Variants in CSMD3 observed in about 807,000 individuals in gnomAD.
The protein encoded by CSMD3 is CUB and sushi domain-containing protein 3.
A neutral mutation model predicts 435.2 loss-of-function variants in CSMD3; 177 were observed. The ratio of observed to expected loss-of-function variants is 0.41; its 90% CI spans 0.36 to 0.46. CSMD3 has a LOEUF of 0.46. Ranked by LOEUF, CSMD3 falls within the 20% of genes least tolerant of loss-of-function variation. The probability of loss-of-function intolerance (pLI) is 0.34; values close to 1 mark genes in which losing one functional copy is unlikely to be tolerated. For missense variants in CSMD3, 4,265 were observed against 4,504.6 expected (o/e 0.95, Z 1.52); for synonymous variants, 1,656 against 1,520.5 (o/e 1.09, Z -2.07).
intron 22 of CSMD3, among the ~76,000 whole-genome samples, chr8:112,606,112 C>T (rs1832770750): frequency 6.6e-6 from 1 of 152,102 alleles, no homozygotes; most frequent in Non-Finnish European, 1.5e-5. Flanking sequence ...GAAGAAGTTC[C>T]AGCAGACTGT....
At chr8:113,146,136 A>G (rs2091667543) in intron 4 of CSMD3, among the ~76,000 whole-genome samples, 1 of 151,532 alleles carries the variant, frequency 6.6e-6, no homozygotes, top group African/African-American at 2.4e-5. Context: ...ATATATTAAC[A>G]TAACTCAAAA....
chr8:112,867,451 C>T (rs769757769), intron 10 of CSMD3, among the ~76,000 whole-genome samples: 11 of 152,062 alleles, frequency 7.2e-5, no homozygotes, highest in Non-Finnish European at 1.2e-4. Context: ...TTCTGAGAAA[C>T]GTGTTGTGAG....
chr8:112,345,844 TA>T (rs1282216770), intron 41 of CSMD3, among the ~76,000 whole-genome samples: 1 of 149,830 alleles, frequency 6.7e-6, no homozygotes, highest in African/African-American at 2.5e-5. Context: ...ATTTGTCAAT[TA>T]AAAAATAATA....
chr8:113,392,567 G>A (rs2094465490), intron 1 of CSMD3, among the ~76,000 whole-genome samples: 1 of 152,090 alleles, frequency 6.6e-6, no homozygotes, highest in African/African-American at 2.4e-5. Flanking sequence ...CAAGGTCAAA[G>A]CTAGGAGAGA....
chr8:113,409,009 G>C (rs563839877), intron 1 of CSMD3, among the ~76,000 whole-genome samples: 1 of 151,168 alleles, frequency 6.6e-6, no homozygotes, highest in Non-Finnish European at 1.5e-5. Flanking sequence ...AGAGTTTCTC[G>C]GCCCATAGCC....
At chr8:113,225,768 A>G (rs2093020543) in intron 3 of CSMD3, among the ~76,000 whole-genome samples, 1 of 151,458 alleles carries the variant, frequency 6.6e-6, no homozygotes, top group Non-Finnish European at 1.5e-5. Context: ...TGTACCTGCG[A>G]GTCTCCAGAG....
intron 65 of CSMD3, among the ~76,000 whole-genome samples, chr8:112,242,806 A>C (rs1278296391): frequency 1.3e-5 from 2 of 152,150 alleles, no homozygotes; most frequent in African/African-American, 4.8e-5. Flanking sequence ...TGTGAAGCTA[A>C]AATAAGATAA....
At chr8:112,443,001 G>A (rs79828942) in intron 32 of CSMD3, among the ~76,000 whole-genome samples, 3,355 of 152,254 alleles carry the variant, frequency 0.022, 54 homozygotes, top group Non-Finnish European at 0.035. Context: ...TCTCTAGGGT[G>A]TACTTTCTTA....
chr8:112,661,998 T>C (rs984910478), intron 17 of CSMD3, among the ~76,000 whole-genome samples: 5 of 151,994 alleles, frequency 3.3e-5, no homozygotes, highest in Non-Finnish European at 5.9e-5. Flanking sequence ...CTGAAGATTC[T>C]AGATGCAGAA....
intron 6 of CSMD3, among the ~76,000 whole-genome samples, chr8:112,984,737 A>G (rs2130983952): frequency 6.6e-6 from 1 of 152,232 alleles, no homozygotes; most frequent in South Asian, 2.1e-4. Flanking sequence ...GGCTTTACAT[A>G]TTTGTACCTA....
intron 40 of CSMD3, among the ~76,000 whole-genome samples, chr8:112,348,319 ACTT>A (rs1168818663): frequency 2.0e-5 from 3 of 152,164 alleles, no homozygotes; most frequent in Admixed American, 1.3e-4. Context: ...AATAAAATCA[ACTT>A]CTGTTTTTTC....
chr8:112,561,405 T>C (rs1246759623), intron 24 of CSMD3, among the ~76,000 whole-genome samples: 1 of 151,626 alleles, frequency 6.6e-6, no homozygotes, highest in African/African-American at 2.4e-5. Context: ...TTCATTCCTT[T>C]CCTGCCACCG....
intron 64 of CSMD3, among the ~76,000 whole-genome samples, chr8:112,246,608 T>C (rs551495814): frequency 1.3e-5 from 2 of 152,328 alleles, no homozygotes; most frequent in East Asian, 1.9e-4. Flanking sequence ...TTTCCTTTCA[T>C]AGATGTTGTT....
chr8:113,326,272 T>C (rs2093983256), intron 1 of CSMD3, among the ~76,000 whole-genome samples: 1 of 152,176 alleles, frequency 6.6e-6, no homozygotes, highest in Admixed American at 6.5e-5. Flanking sequence ...GTTCAGTTGA[T>C]TACAAATCTT....
At chr8:113,089,408 C>T (rs1221371571) in intron 5 of CSMD3, among the ~76,000 whole-genome samples, 1 of 151,888 alleles carries the variant, frequency 6.6e-6, no homozygotes, top group African/African-American at 2.4e-5. Flanking sequence ...AATTTAAATA[C>T]AAGTCATAGT....
intron 22 of CSMD3, among the ~76,000 whole-genome samples, chr8:112,607,564 G>A (rs1387665022): frequency 6.6e-6 from 1 of 152,030 alleles, no homozygotes; most frequent in African/African-American, 2.4e-5. Flanking sequence ...GATGAACATA[G>A]ATTCAAAAAT....
chr8:113,107,620 GA>G (rs2090519145), intron 4 of CSMD3, among the ~76,000 whole-genome samples: 1 of 152,174 alleles, frequency 6.6e-6, no homozygotes, highest in Admixed American at 6.5e-5. Flanking sequence ...CTCTGATAGG[GA>G]GGGCTGACTG....
At chr8:112,630,961 C>G (rs2074498260) in intron 22 of CSMD3, among the ~76,000 whole-genome samples, 1 of 150,454 alleles carries the variant, frequency 6.6e-6, no homozygotes, top group African/African-American at 2.5e-5. Flanking sequence ...CACACACACA[C>G]ACACACACAC....
rs150095576 is a variant in CSMD3, at chr8:113,023,396, GTCTCTC to G, written c.918-4223_918-4218del. On this transcript the variant is annotated intron_variant, in intron 5 of 70. Transcript: ENST00000297405. The stretch of plus-strand genomic sequence containing the variant: ...CTCCCACTTTCCTCTAATTTTACTT[GTCTCTC>G]TCTCTCTCCCTCTCTCAAGCATGCT... Among the ~76,000 whole-genome samples the G allele has an allele frequency of 8.0e-3, 1,212 of 151,102 alleles. 17 individuals are homozygous for G. Among genetic ancestry groups the G allele is most frequent in the African/African-American group, 0.028 (1,134 of 41,194 alleles).
Sources: allele counts gnomAD v4.1 joint callset (sites outside exome capture counted in the v4.1 genomes callset), GRCh38; gene constraint gnomAD v4.1.1; transcripts MANE v1.5; gene names NCBI Gene and HGNC (gene_info 2026-07-23, HGNC 2026-07-21).